The following KRT12 variants were observed in gnomAD, a reference collection of about 807,000 sequenced individuals.
KRT12 encodes the protein keratin, type I cytoskeletal 12.
A neutral mutation model predicts 50.2 loss-of-function variants in KRT12; 43 were observed. The ratio of observed to expected loss-of-function variants is 0.86; its 90% confidence interval spans 0.67 to 1.11. The LOEUF (loss-of-function observed/expected upper bound fraction) is 1.11, where lower values mean the gene tolerates loss of function less well. KRT12 is among the 50% of genes least tolerant of loss of function. The pLI is 0.00. For synonymous variants in KRT12, 257 were observed against 253.6 expected (o/e 1.01, Z -0.13); for missense variants, 588 against 625.6 (o/e 0.94, Z 0.64).
Position 40,867,213 on chromosome 17 carries a change from A to G in KRT12, c.-27T>C, listed in dbSNP as rs1469991774. 6.3e-7 allele frequency: 1 copy of G among 1,589,634 alleles called. No homozygotes were observed. The highest frequency in any genetic ancestry group is 1.7e-5 in the Admixed American group (1 of 59,910). On this transcript the variant is annotated 5_prime_UTR_variant, in exon 1 of 8. Coordinates refer to ENST00000251643, the MANE Select transcript of KRT12 (RefSeq NM_000223.4). ...GCCTGGGGAAGGTGGCCACAACTGG[A>G]GAGGAAGTTGTGCCAGCAAGCCAGA...
chr17:40,863,907 T>C lies in KRT12; in HGVS notation c.808-43A>G. The C allele has an allele frequency of 1.3e-6, 2 of 1,485,082 alleles. No homozygotes were observed. Among genetic ancestry groups the C allele is most frequent in the Non-Finnish European group, 1.8e-6 (2 of 1,115,908 alleles). 92.0% of individuals were successfully genotyped at this position (1,485,082 alleles called of 1,614,324 possible). On this transcript the variant is annotated intron_variant, in intron 3 of 7. Coordinates refer to ENST00000251643, the MANE Select transcript of KRT12 (RefSeq NM_000223.4). This position sits in a 1 kb window ranked among gnomAD's most constrained non-coding sequence, Gnocchi z 4.2. ...GAGAGAGGGGCACAGGGGTCCATTG[T>C]GACTTTCGTGGGCCCTGGATACTTT...
At position 40,862,480 on chromosome 17, in the gene KRT12, T is replaced by C. The variant is rs1906838130; in HGVS notation, c.1387+85A>G. On this transcript the variant is annotated intron_variant, in intron 7 of 7. Transcript: ENST00000251643. ...TGCTTTAAATTAAAATTAATAATAA[T>C]GCAGTAGTCAATGAGGTCTTACAGG... 2.3e-6 allele frequency: 2 copies of C among 860,856 alleles called. 1 individual carries two copies. Among genetic ancestry groups the C allele is most frequent in the South Asian group, 2.7e-5 (2 of 74,288 alleles). 53.3% of individuals were successfully genotyped at this position (860,856 alleles called of 1,614,324 possible).
Position 40,861,751 on chromosome 17 carries a change from G to C in KRT12, c.1395C>G (p.Thr465=). ...AQSTDSSKDP[T]KTRKIKTVVQ... is the part of the protein sequence containing the mutation. ...CAACTGTCTTGATTTTTCGGGTTTTGGTTGGGTCTAAAGATAAAAATGGAA... is the reference window on the plus strand; with the variant it reads ...CAACTGTCTTGATTTTTCGGGTTTTCGTTGGGTCTAAAGATAAAAATGGAA... The change falls in exon 8 of 8, where the codon ACC becomes ACG. Residue 465 remains threonine, a synonymous_variant. Transcript: ENST00000251643. The C allele has an allele frequency of 6.2e-7, 1 of 1,610,976 alleles. No individual in the cohort carries two copies. Among genetic ancestry groups the C allele is most frequent in the Non-Finnish European group, 8.5e-7 (1 of 1,177,182 alleles).
In KRT12 at chr17:40,866,786, T is replaced by C; in HGVS notation, c.401A>G (p.Asp134Gly). The C allele has an allele frequency of 6.2e-7, 1 of 1,614,184 alleles. No homozygotes were observed. The highest frequency in any genetic ancestry group is 8.5e-7 in the Non-Finnish European group (1 of 1,180,030). Reference sequence around the variant, plus strand: ...CTTATCCAGGTAGGAAGCTAATCTATCATTAAGATTTTGCATAGTTTCTTT... The same window carrying C: ...CTTATCCAGGTAGGAAGCTAATCTACCATTAAGATTTTGCATAGTTTCTTT... ...SEKETMQNLN[D>G]RLASYLDKVR... The change falls in exon 1 of 8, where the codon GAT (aspartate) becomes GGT (glycine). Residue 134 changes from aspartate to glycine, a missense_variant. Physicochemically the swap from Asp to Gly is moderately conservative, Grantham distance 94. Transcript: ENST00000251643.
rs138169839 is a variant in KRT12, at chr17:40,866,967, C to T, written c.220G>A (p.Gly74Arg). Residue 74 changes from glycine (G) to arginine (R), a missense_variant, in exon 1 of 8, where the codon GGA becomes AGA. Physicochemically the swap from Gly to Arg is moderately radical, Grantham distance 125. Transcript: ENST00000251643. ...GSSSGFGGGS[G>R]SSMAGGLGAG... ...CCCAGTCCTCCTGCCATGGAACTTC[C>T]GGAGCCACCCCCAAAGCCGGAACTA... 23 of 1,599,088 alleles carry T rather than the reference C, an allele frequency of 1.4e-5. No homozygotes were observed. Among genetic ancestry groups the T allele is most frequent in the Non-Finnish European group, 2.0e-5 (23 of 1,173,342 alleles).
rs1411984667 is a variant in KRT12 at position 40,867,083 on chromosome 17, G to A, written c.104C>T (p.Ala35Val). ...CCCATAACCACTTCCAACACTGGAA[G>A]CAGACATGCCCCTGGGTCTGCCTAT... ...SVIGRPRGMS[A>V]SSVGSGYGGS... The change falls in exon 1 of 8, where the codon GCT becomes GTT. Residue 35 changes from alanine to valine, a missense_variant. Coordinates refer to ENST00000251643, the MANE Select transcript of KRT12 (RefSeq NM_000223.4). 2 of 1,613,624 alleles carry A rather than the reference G, an allele frequency of 1.2e-6. No individual in the cohort carries two copies. Among genetic ancestry groups the A allele is most frequent in the East Asian group, 2.2e-5 (1 of 44,874 alleles).
chr17:40,864,412 A>G (rs1256636346), intron 3 of KRT12, among the ~76,000 whole-genome samples: 1 of 152,210 alleles, frequency 6.6e-6, no homozygotes, highest in Non-Finnish European at 1.5e-5. Flanking sequence ...GCATTATGCT[A>G]AGTATAACCA....
In KRT12 at chr17:40,866,288, T is replaced by A. The variant is rs191593567; in HGVS notation, c.568-51A>T. 3.3e-5 allele frequency: 45 copies of A among 1,379,588 alleles called. No homozygotes were observed. The East Asian group carries it at 8.9e-4, about 27-fold the overall frequency. 85.5% of individuals were successfully genotyped at this position (1,379,588 alleles called of 1,614,324 possible). A position where few individuals can be genotyped will look rare whatever the true frequency, so the allele number is the denominator to read the frequency against. On this transcript the variant is annotated intron_variant, in intron 1 of 7. Transcript: ENST00000251643. ...AGATTGAAGCCCTAAAAGACTAGTA[T>A]TATACAAATATATTTTTGACACAAA...
rs776269409 is a variant in KRT12, at chr17:40,866,688, C to G, written c.499G>C (p.Gly167Arg). ...IREWYETRGT[G>R]TADASQSDYS... ...TCGCTCTGTGAAGCATCTGCAGTCC[C>G]AGTTCCTCGTGTTTCATACCATTCT... Residue 167 changes from glycine to arginine, a missense_variant, in exon 1 of 8, where the codon GGG (glycine) becomes CGG (arginine). Gly to Arg is a moderately radical substitution (Grantham distance 125, BLOSUM62 -2). Transcript: ENST00000251643. 1.2e-6 allele frequency: 2 copies of G among 1,614,206 alleles called. No homozygotes were observed. The highest frequency in any genetic ancestry group is 2.2e-5 in the East Asian group (1 of 44,886).
chr17:40,862,496 G>T (rs904725659), intron 7 of KRT12, 69 bp downstream of exon 7: 6 of 971,492 alleles, frequency 6.2e-6, no homozygotes, highest in African/African-American at 4.8e-5. Flanking sequence ...AGTCAATGAG[G>T]TCTTACAGGT....
intron 3 of KRT12, among the ~76,000 whole-genome samples, 166 bp from the exon 4 acceptor site, chr17:40,864,030 ATATAT>A (rs1320874678): frequency 6.6e-6 from 1 of 151,910 alleles, no homozygotes; most frequent in Non-Finnish European, 1.5e-5. Flanking sequence ...ATAAAGACAA[ATATAT>A]TAATGTAATA....
chr17:40,863,832 G>T lies in KRT12; in HGVS notation c.840C>A (p.Gly280=), dbSNP rs757866972. Residue 280 remains glycine, a synonymous_variant, in exon 4 of 8, where the codon GGC becomes GGA. Transcript: ENST00000251643. The surrounding 1 kb of genome is among the most constrained non-coding windows in gnomAD (Gnocchi z 4.2). The stretch of plus-strand genomic sequence containing the variant: ...CAGCGTCCATTTCTACGCTGACCTC[G>T]CCTGGGCCGCCCACCCGGAAGCTTT... ...ELQSFRVGGP[G]EVSVEMDAAP... The T allele has an allele frequency of 1.9e-5, 30 of 1,609,068 alleles. No individual in the cohort carries two copies. The South Asian group carries it at 2.5e-4, about 14-fold the overall frequency.
At position 40,864,865 on chromosome 17, in the gene KRT12, C is replaced by G. The variant is rs200190342; in HGVS notation, c.748G>C (p.Glu250Gln). 1.4e-4 allele frequency: 230 copies of G among 1,614,250 alleles called. No homozygotes were observed. In the Admixed American group the frequency reaches 3.7e-3, roughly 26 times the overall value. Reference protein sequence around the residue: ...DELTLTRTDLEMQIESLNEEL... With the variant: ...DELTLTRTDLQMQIESLNEEL... ...TCGTTCAGGCTCTCGATCTGCATCT[C>G]CAGGTCGGTCCTGGTCAGGGTCAGC... Residue 250 changes from glutamate to glutamine, a missense_variant, in exon 3 of 8, where the codon GAG becomes CAG. Physicochemically the swap from Glu to Gln is conservative, Grantham distance 29. Coordinates refer to ENST00000251643, the MANE Select transcript of KRT12 (RefSeq NM_000223.4).
Position 40,866,184 on chromosome 17 carries a change from C to G in KRT12, c.621G>C (p.Ala207=). ...TCCTGAAGTCCTCAGCAGCTAGTCT[C>G]GCATTGTCAATCTGCAAGAGGAGCT... The part of the protein sequence containing the change: ...NAQLLLQIDN[A]RLAAEDFRMK... Residue 207 remains alanine (A), a synonymous_variant, in exon 2 of 8, where the codon GCG becomes GCC. Coordinates refer to ENST00000251643, the MANE Select transcript of KRT12 (RefSeq NM_000223.4). The G allele has an allele frequency of 6.2e-7, 1 of 1,614,084 alleles. No homozygotes were observed. The highest frequency in any genetic ancestry group is 8.5e-7 in the Non-Finnish European group (1 of 1,179,980).
chr17:40,864,930 A>G lies in KRT12; in HGVS notation c.683T>C (p.Val228Ala). 1 of 1,614,226 alleles carries G rather than the reference A, an allele frequency of 6.2e-7. No individual in the cohort carries two copies. The highest frequency in any genetic ancestry group is 8.5e-7 in the Non-Finnish European group (1 of 1,180,032). ...YENELALRQG[V>A]EADINGLRRV... The stretch of plus-strand genomic sequence containing the variant: ...GCGCAGGCCATTGATGTCGGCCTCT[A>G]CGCCCTGGCGCAGGGCCAGTTCATT... Residue 228 changes from valine (V) to alanine (A), a missense_variant, in exon 3 of 8, where the codon GTA (valine) becomes GCA (alanine). Physicochemically the swap from Val to Ala is moderately conservative, Grantham distance 64. Transcript: ENST00000251643.
intron 7 of KRT12, 138 bp from the exon 8 acceptor site, chr17:40,861,896 C>T (rs1906816290): frequency 2.9e-6 from 2 of 687,286 alleles, no homozygotes; most frequent in African/African-American, 3.6e-5. Flanking sequence ...GTAAATTTTA[C>T]TTCTCAAAAA....
In KRT12 at chr17:40,863,087, C is replaced by T; in HGVS notation, c.1316+36G>A. On this transcript the variant is annotated intron_variant, in intron 6 of 7. Transcript: ENST00000251643. The surrounding 1 kb of genome is among the most constrained non-coding windows in gnomAD (Gnocchi z 4.2). ...TTTCTGCTGCCCACTCTTGGTCAGC[C>T]CCTGAAGGTGTTTACAGCCTCCGTT... The T allele has an allele frequency of 6.3e-7, 1 of 1,577,230 alleles. No individual in the cohort carries two copies. Among genetic ancestry groups the T allele is most frequent in the Non-Finnish European group, 8.7e-7 (1 of 1,146,458 alleles).
chr17:40,867,180 G>T lies in KRT12; in HGVS notation c.7C>A (p.Leu3Ile). 6.2e-7 allele frequency: 1 copy of T among 1,605,608 alleles called. No individual in the cohort carries two copies. Among genetic ancestry groups the T allele is most frequent in the Non-Finnish European group, 8.5e-7 (1 of 1,179,956 alleles). ...GAGAGTGACATGGTGTTGTTGGAGA[G>T]ATCCATGGCCTGGGGAAGGTGGCCA... MD[L>I]SNNTMSLSVR... Residue 3 changes from leucine (L) to isoleucine (I), a missense_variant, in exon 1 of 8, where the codon CTC becomes ATC. Coordinates refer to ENST00000251643, the MANE Select transcript of KRT12 (RefSeq NM_000223.4).
In KRT12 at chr17:40,863,106, C is replaced by T; in HGVS notation, c.1316+17G>A. The T allele has an allele frequency of 6.2e-7, 1 of 1,612,398 alleles. No individual in the cohort carries two copies. The highest frequency in any genetic ancestry group is 8.5e-7 in the Non-Finnish European group (1 of 1,178,428). On this transcript the variant is annotated intron_variant, in intron 6 of 7. Transcript: ENST00000251643. The surrounding 1 kb of genome is among the most constrained non-coding windows in gnomAD (Gnocchi z 4.2). ...GTCAGCCCCTGAAGGTGTTTACAGCCTCCGTTGTCTGCTCACCCTTGGGCC... is the reference window on the plus strand; with the variant it reads ...GTCAGCCCCTGAAGGTGTTTACAGCTTCCGTTGTCTGCTCACCCTTGGGCC...
Sources: gnomAD v4.1 joint callset for allele counts (sites outside exome capture counted in the v4.1 genomes callset) on GRCh38, gnomAD v4.1.1 for gene constraint, Gnocchi (gnomAD v3.1) non-coding constraint, MANE v1.5 for transcripts, NCBI Gene and HGNC (gene_info 2026-07-23, HGNC 2026-07-21) for gene names.